RHOBTB1: variants seen among roughly 807,000 people sequenced by gnomAD.
RHOBTB1 encodes the protein rho-related BTB domain-containing protein 1.
In RHOBTB1, 40 loss-of-function variants were observed where a neutral mutation model predicts 71.6. The observed-to-expected ratio is 0.56, with a 90% confidence interval of 0.43 to 0.73. The LOEUF is 0.73. Ranked by LOEUF, RHOBTB1 falls within the 30% of genes least tolerant of loss-of-function variation. The pLI is 0.00. For missense variants in RHOBTB1, 797 were observed against 894.0 expected, an observed-to-expected ratio of 0.89 and a Z score of 1.38; for synonymous variants, 319 against 334.9, an observed-to-expected ratio of 0.95 and a Z score of 0.52.
chr10:60,953,937 T>C (rs1006538147), intron 2 of RHOBTB1, among the ~76,000 whole-genome samples: 5 of 150,628 alleles, frequency 3.3e-5, no homozygotes, highest in Admixed American at 6.7e-5. Flanking sequence ...AAAGAAACAT[T>C]AAGTTATATA....
At chr10:60,872,088 T>C in intron 10 of RHOBTB1, 97 bp downstream of exon 10, 1 of 893,830 alleles carries the variant, frequency 1.1e-6, no homozygotes, top group Admixed American at 1.8e-5. Flanking sequence ...ATCCATGAGC[T>C]GCCTGCTGAC....
intron 2 of RHOBTB1, among the ~76,000 whole-genome samples, chr10:60,912,115 G>T (rs2083007564): frequency 6.6e-6 from 1 of 152,098 alleles, no homozygotes; most frequent in South Asian, 2.1e-4. Context: ...TCAAAGAAGA[G>T]TAAACTGCTA....
chr10:60,907,538 G>A (rs1475055188), intron 4 of RHOBTB1, among the ~76,000 whole-genome samples: 5 of 152,200 alleles, frequency 3.3e-5, no homozygotes, highest in Admixed American at 3.3e-4. Context: ...GAGAGCTGGA[G>A]TTATTCACCC....
At chr10:60,881,474 T>C (rs1357059584) in intron 7 of RHOBTB1, among the ~76,000 whole-genome samples, 1 of 152,196 alleles carries the variant, frequency 6.6e-6, no homozygotes. Flanking sequence ...ACCTGCTCTC[T>C]CAGAGATGGG....
chr10:60,943,569 T>A (rs2085040770), intron 1 of RHOBTB1, among the ~76,000 whole-genome samples: 1 of 152,184 alleles, frequency 6.6e-6, no homozygotes, highest in South Asian at 2.1e-4. Context: ...GGCTAGCGTA[T>A]TCCCCTGTCC....
chr10:60,950,888 C>A (rs910169021), intron 2 of RHOBTB1, among the ~76,000 whole-genome samples: 1 of 152,160 alleles, frequency 6.6e-6, no homozygotes, highest in African/African-American at 2.4e-5. Flanking sequence ...AAAGCTTCCA[C>A]CAAATTGTAT....
intron 2 of RHOBTB1, among the ~76,000 whole-genome samples, chr10:60,937,102 GT>G (rs2084633653): frequency 6.6e-6 from 1 of 152,186 alleles, no homozygotes; most frequent in Non-Finnish European, 1.5e-5. Context: ...TATCAAAGCA[GT>G]AGCTTTCTTC....
intron 2 of RHOBTB1, among the ~76,000 whole-genome samples, chr10:60,975,314 T>G (rs2086280976): frequency 6.6e-6 from 1 of 152,034 alleles, no homozygotes; most frequent in East Asian, 1.9e-4. Flanking sequence ...GGGACACATT[T>G]GCTACATGGT....
At chr10:60,916,402 G>C (rs1352750194) in intron 2 of RHOBTB1, among the ~76,000 whole-genome samples, 1 of 152,182 alleles carries the variant, frequency 6.6e-6, no homozygotes, top group Admixed American at 6.5e-5. Context: ...TTATGAATGA[G>C]CCCAGGTGAA....
chr10:60,974,868 G>A (rs1010421447), intron 2 of RHOBTB1, among the ~76,000 whole-genome samples: 4 of 152,014 alleles, frequency 2.6e-5, no homozygotes, highest in African/African-American at 9.7e-5. Flanking sequence ...CTTTTCTGTG[G>A]GGTAGAGAAG....
intron 2 of RHOBTB1, among the ~76,000 whole-genome samples, chr10:60,984,284 T>C (rs534137038): frequency 1.1e-4 from 17 of 152,342 alleles, no homozygotes; most frequent in African/African-American, 3.6e-4. Flanking sequence ...CTGTTCAGCA[T>C]AGTAATCACC....
chr10:60,967,031 G>T (rs2085987661), intron 2 of RHOBTB1, among the ~76,000 whole-genome samples: 1 of 151,910 alleles, frequency 6.6e-6, no homozygotes, highest in African/African-American at 2.4e-5. Context: ...TGGTGCTTTT[G>T]GGAAAAATAA....
chr10:60,961,293 C>T (rs1317379027), intron 2 of RHOBTB1, among the ~76,000 whole-genome samples: 2 of 152,126 alleles, frequency 1.3e-5, no homozygotes, highest in Non-Finnish European at 2.9e-5. Flanking sequence ...TAGAGCTGGA[C>T]ACATCTGGAT....
chr10:60,870,273 A>T lies in RHOBTB1; in HGVS notation c.*1209T>A, dbSNP rs962015021. 3 of 152,664 alleles carry T rather than the reference A, an allele frequency of 2.0e-5. No homozygotes were observed. Among genetic ancestry groups the T allele is most frequent in the African/African-American group, 7.2e-5 (3 of 41,456 alleles). The allele number at this position is 152,664 out of a possible 1,614,324, so 9.5% of individuals were successfully genotyped here. ...AATGAGAAAGAGTCAGAACGAACTC[A>T]CAATAGCACCATTTCCTAGACTCTT... On this transcript the variant is annotated 3_prime_UTR_variant, in exon 11 of 11. Coordinates refer to ENST00000337910, the MANE Select transcript of RHOBTB1 (RefSeq NM_014836.5).
chr10:60,864,061 A>G, the RHOBTB1 span, among the ~76,000 whole-genome samples: 1 of 152,092 alleles, frequency 6.6e-6, no homozygotes, highest in African/African-American at 2.4e-5. Context: ...AGCCTCCTCT[A>G]TGGCATAGTC....
At chr10:60,956,655 T>C (rs1422212008) in intron 2 of RHOBTB1, among the ~76,000 whole-genome samples, 1 of 152,108 alleles carries the variant, frequency 6.6e-6, no homozygotes, top group African/African-American at 2.4e-5. Context: ...GTTTTTACTT[T>C]TTAGACTTTT....
intron 2 of RHOBTB1, among the ~76,000 whole-genome samples, chr10:60,927,500 A>G (rs1053792386): frequency 6.6e-6 from 1 of 152,180 alleles, no homozygotes; most frequent in Non-Finnish European, 1.5e-5. Flanking sequence ...AGCATGGGAC[A>G]GTCATAAAAA....
At position 60,888,313 on chromosome 10, in the gene RHOBTB1, A is replaced by G. The variant is rs747455774; in HGVS notation, c.1355T>C (p.Ile452Thr). 1 of 1,614,040 alleles carries G rather than the reference A, an allele frequency of 6.2e-7. No homozygotes were observed. The highest frequency in any genetic ancestry group is 8.5e-7 in the Non-Finnish European group (1 of 1,179,996). The change falls in exon 6 of 11, where the codon ATC (isoleucine) becomes ACC (threonine). Residue 452 changes from isoleucine (I) to threonine (T), a missense_variant. Transcript: ENST00000337910. ...GTTCATGAAGGCTTCCTTGTTCATG[A>G]TGTTTTCCACCATCATCCTCAAATC... ...MFDLRMMVEN[I>T]MNKEAFMNQE...
intron 2 of RHOBTB1, among the ~76,000 whole-genome samples, chr10:60,961,342 T>C (rs2085770060): frequency 6.6e-6 from 1 of 152,172 alleles, no homozygotes; most frequent in Admixed American, 6.5e-5. Flanking sequence ...GGTACAATTC[T>C]GGATGTATTA....
Sources: allele counts gnomAD v4.1 joint callset (sites outside exome capture counted in the v4.1 genomes callset), GRCh38; gene constraint gnomAD v4.1.1; transcripts MANE v1.5; gene names NCBI Gene and HGNC (gene_info 2026-07-23, HGNC 2026-07-21).